Variants in MSI2 observed in about 807,000 individuals in gnomAD.
MSI2 encodes RNA-binding protein Musashi homolog 2.
In MSI2, 17 loss-of-function variants were observed where a neutral mutation model predicts 45.6. That is an observed-to-expected ratio of 0.37 (90% CI 0.26 to 0.56). The LOEUF (loss-of-function observed/expected upper bound fraction) is 0.56, where lower values mean the gene tolerates loss of function less well. Ranked by LOEUF, MSI2 falls within the 20% of genes least tolerant of loss-of-function variation. The pLI is 0.77. For missense variants in MSI2, 293 were observed against 444.2 expected, an observed-to-expected ratio of 0.66 and a Z score of 3.06; for synonymous variants, 156 against 158.2, an observed-to-expected ratio of 0.99 and a Z score of 0.11.
At chr17:57,308,043 A>G (rs1177535732) in intron 5 of MSI2, among the ~76,000 whole-genome samples, 1 of 152,186 alleles carries the variant, frequency 6.6e-6, no homozygotes, top group African/African-American at 2.4e-5. Flanking sequence ...ACTCACTGAG[A>G]GGCAGTGGAT....
Position 57,681,819 on chromosome 17 carries a change from TAAA to T in MSI2, c.*2313_*2315del. The T allele has an allele frequency of 1.2e-5, 2 of 173,600 alleles. No individual in the cohort carries two copies. Among genetic ancestry groups the T allele is most frequent in the African/African-American group, 2.5e-5 (1 of 40,228 alleles). 10.8% of individuals were successfully genotyped at this position (173,600 alleles called of 1,614,324 possible). A position where few individuals can be genotyped will look rare whatever the true frequency, so the allele number is the denominator to read the frequency against. On this transcript the variant is annotated 3_prime_UTR_variant, in exon 14 of 14. Coordinates refer to ENST00000284073, the MANE Select transcript of MSI2 (RefSeq NM_138962.4). ...AAAACAACAAAACATAAGTTTTATT[TAAA>T]AAAAAAAAAAGAAAGAAAAAATAGT...
At chr17:57,336,555 C>A (rs1199163614) in intron 5 of MSI2, among the ~76,000 whole-genome samples, 1 of 152,176 alleles carries the variant, frequency 6.6e-6, no homozygotes, top group African/African-American at 2.4e-5. Context: ...TACAGGTAAC[C>A]TGCCTTTCCT....
At chr17:57,511,866 G>C (rs1043680366) in intron 6 of MSI2, among the ~76,000 whole-genome samples, 1 of 152,212 alleles carries the variant, frequency 6.6e-6, no homozygotes, top group African/African-American at 2.4e-5. Context: ...ACACAGGCCA[G>C]GCCCACACAG....
chr17:57,444,898 T>C (rs569492344), intron 6 of MSI2: 1 of 152,352 alleles, frequency 6.6e-6, no homozygotes, highest in East Asian at 1.9e-4. Flanking sequence ...TTAGATAACA[T>C]GGCTTTGTGC....
chr17:57,603,091 C>T (rs1906092079), intron 8 of MSI2, among the ~76,000 whole-genome samples: 1 of 152,194 alleles, frequency 6.6e-6, no homozygotes, highest in Non-Finnish European at 1.5e-5. Context: ...CCTGGACCTC[C>T]AGGCCAGTCT....
At chr17:57,426,436 G>A (rs920629364) in intron 6 of MSI2, among the ~76,000 whole-genome samples, 5 of 152,104 alleles carry the variant, frequency 3.3e-5, no homozygotes, top group Admixed American at 6.5e-5. Flanking sequence ...GCGTCCTCAC[G>A]GCACATGGGG....
intron 7 of MSI2, among the ~76,000 whole-genome samples, chr17:57,548,968 T>C (rs1438857519): frequency 7.3e-6 from 1 of 136,188 alleles, no homozygotes; most frequent in Non-Finnish European, 1.5e-5. Context: ...ACAGTGGTTA[T>C]TCTCACAAGC....
chr17:57,403,933 G>GTGCACACA (rs397743101), intron 6 of MSI2, among the ~76,000 whole-genome samples: 12 of 149,190 alleles, frequency 8.0e-5, no homozygotes, highest in South Asian at 4.3e-4. Flanking sequence ...GAATGAATGT[G>GTGCACACA]CACACACACA....
chr17:57,281,759 T>A (rs183977404), intron 5 of MSI2, among the ~76,000 whole-genome samples: 1 of 152,270 alleles, frequency 6.6e-6, no homozygotes, highest in Non-Finnish European at 1.5e-5. Flanking sequence ...TGAGGCCTTT[T>A]GTGTAAAAAG....
chr17:57,460,322 T>C (rs2085201940), intron 6 of MSI2, among the ~76,000 whole-genome samples: 1 of 150,348 alleles, frequency 6.7e-6, no homozygotes, highest in Non-Finnish European at 1.5e-5. Flanking sequence ...AAACCCTGTC[T>C]TGGGAAGGAA....
chr17:57,639,784 C>A (rs1225998355), intron 10 of MSI2, among the ~76,000 whole-genome samples: 4 of 152,150 alleles, frequency 2.6e-5, no homozygotes, highest in Non-Finnish European at 5.9e-5. Flanking sequence ...ATTCTACAGT[C>A]TTTCTCCTGA....
At chr17:57,313,875 G>A (rs1263970131) in intron 5 of MSI2, among the ~76,000 whole-genome samples, 1 of 152,202 alleles carries the variant, frequency 6.6e-6, no homozygotes, top group African/African-American at 2.4e-5. Context: ...GCCTGCTGGG[G>A]TGGGTCCGGG....
intron 10 of MSI2, among the ~76,000 whole-genome samples, chr17:57,638,742 TATTTA>T (rs1210876858): frequency 1.3e-5 from 2 of 151,684 alleles, no homozygotes; most frequent in Non-Finnish European, 1.5e-5. Context: ...ATTTAAAAAA[TATTTA>T]AAAAATTAGC....
intron 5 of MSI2, among the ~76,000 whole-genome samples, chr17:57,302,520 A>AT (rs1598093396): frequency 1.3e-5 from 2 of 152,182 alleles, no homozygotes; most frequent in Non-Finnish European, 1.5e-5. Context: ...GTTCTTGCTT[A>AT]TTTTTTAGGG....
intron 8 of MSI2, chr17:57,606,190 C>G (rs1310494887): frequency 2.0e-5 from 3 of 152,686 alleles, no homozygotes; most frequent in Admixed American, 1.3e-4. Flanking sequence ...CTCTTCACTC[C>G]CCATTCTGGG....
intron 7 of MSI2, among the ~76,000 whole-genome samples, chr17:57,541,934 CA>C (rs2087056321): frequency 6.6e-6 from 1 of 152,082 alleles, no homozygotes; most frequent in Non-Finnish European, 1.5e-5. Flanking sequence ...GCACCCTAGG[CA>C]AAGCTGGCGC....
intron 5 of MSI2, among the ~76,000 whole-genome samples, chr17:57,322,025 G>A (rs189392545): frequency 1.8e-3 from 272 of 152,270 alleles, no homozygotes; most frequent in African/African-American, 6.4e-3. Context: ...TCGAACTCCT[G>A]ACCTCAGGTG....
At chr17:57,359,755 C>T (rs923883910) in intron 5 of MSI2, among the ~76,000 whole-genome samples, 1 of 152,178 alleles carries the variant, frequency 6.6e-6, no homozygotes. Flanking sequence ...CTTGGTGACC[C>T]CACTACCATT....
chr17:57,510,822 T>G (rs756413440), intron 6 of MSI2, among the ~76,000 whole-genome samples: 1 of 152,232 alleles, frequency 6.6e-6, no homozygotes, highest in Non-Finnish European at 1.5e-5. Context: ...AAAATAGGCT[T>G]ATGGCACATT....
Sources: allele counts gnomAD v4.1 joint callset (sites outside exome capture counted in the v4.1 genomes callset), GRCh38; gene constraint gnomAD v4.1.1; transcripts MANE v1.5; gene names NCBI Gene and HGNC (gene_info 2026-07-23, HGNC 2026-07-21).